VPS54: variants seen among roughly 807,000 people sequenced by gnomAD.
VPS54 encodes the protein VPS54 subunit of GARP complex, also known as vacuolar protein sorting-associated protein 54.
A neutral mutation model predicts 121.5 loss-of-function variants in VPS54; 45 were observed. The observed-to-expected ratio is 0.37, with a 90% CI of 0.29 to 0.47. The LOEUF (loss-of-function observed/expected upper bound fraction) is 0.47. Among genes scored for constraint, VPS54 ranks in the 20% least tolerant of loss-of-function variants. The probability of loss-of-function intolerance (pLI) is 0.99; values close to 1 mark genes in which losing one functional copy is unlikely to be tolerated. For missense variants in VPS54, 1,090 were observed against 1,131.4 expected, an observed-to-expected ratio of 0.96 and a Z score of 0.52; for synonymous variants, 371 against 385.8, an observed-to-expected ratio of 0.96 and a Z score of 0.45.
intron 20 of VPS54, among the ~76,000 whole-genome samples, chr2:63,908,808 T>G (rs1486416610): frequency 6.6e-6 from 1 of 152,214 alleles, no homozygotes; most frequent in African/African-American, 2.4e-5. Flanking sequence ...TGAAGTAGGC[T>G]CCACTATTAT....
At chr2:63,938,588 C>A (rs62136401) in intron 11 of VPS54, among the ~76,000 whole-genome samples, 1 of 152,048 alleles carries the variant, frequency 6.6e-6, no homozygotes, top group East Asian at 1.9e-4. Flanking sequence ...CCTCAGCCTC[C>A]GGAATAGCTG....
At chr2:63,949,410 C>T (rs1375276497) in intron 7 of VPS54, among the ~76,000 whole-genome samples, 2 of 152,124 alleles carry the variant, frequency 1.3e-5, no homozygotes, top group Non-Finnish European at 2.9e-5. Context: ...AACACCAGTG[C>T]AATCAGAAAT....
intron 1 of VPS54, among the ~76,000 whole-genome samples, chr2:64,017,521 A>G (rs1678764702): frequency 1.3e-5 from 2 of 152,198 alleles, no homozygotes; most frequent in African/African-American, 2.4e-5. Flanking sequence ...TTTTCCTAGT[A>G]AACTTTTAGT....
At position 63,929,546 on chromosome 2, in the gene VPS54, G is replaced by T. The variant is rs149997035; in HGVS notation, c.1739+4127C>A. ...TAGAGGGAAATTTATAGCAGTAAAT[G>T]CCCACAAGAGAAAGCAGGAGAGATC... On this transcript the variant is annotated intron_variant, in intron 12 of 22. Transcript: ENST00000272322. Among the ~76,000 whole-genome samples, 1,191 of 152,182 alleles carry T rather than the reference G, an allele frequency of 7.8e-3. 8 individuals carry two copies. The highest frequency in any genetic ancestry group is 0.012 in the Non-Finnish European group (843 of 67,998).
intron 1 of VPS54, among the ~76,000 whole-genome samples, chr2:64,000,719 C>T (rs1046075794): frequency 6.6e-6 from 1 of 152,234 alleles, no homozygotes; most frequent in South Asian, 2.1e-4. Flanking sequence ...TCTTCCCTTA[C>T]TTTCTCCCAA....
intron 1 of VPS54, among the ~76,000 whole-genome samples, chr2:64,017,842 T>C (rs533314463): frequency 4.6e-5 from 7 of 152,338 alleles, no homozygotes; most frequent in Admixed American, 6.5e-5. Flanking sequence ...ACTGGTAACC[T>C]ATCATAAGCA....
intron 12 of VPS54, among the ~76,000 whole-genome samples, chr2:63,927,647 G>A (rs1673971200): frequency 1.3e-5 from 2 of 152,200 alleles, no homozygotes; most frequent in Admixed American, 1.3e-4. Context: ...GAACAAAACT[G>A]GACGGAGAAT....
chr2:63,904,573 C>A (rs1672829428), intron 20 of VPS54, among the ~76,000 whole-genome samples: 1 of 150,322 alleles, frequency 6.7e-6, no homozygotes, highest in African/African-American at 2.5e-5. Context: ...GATCTGAACA[C>A]AAAAACAGAC....
At chr2:63,971,015 C>T (rs907435303) in intron 4 of VPS54, among the ~76,000 whole-genome samples, 2 of 152,156 alleles carry the variant, frequency 1.3e-5, no homozygotes, top group Admixed American at 1.3e-4. Context: ...AACTTGCCTC[C>T]ATCTCCCTCA....
rs1287009971 is a variant in VPS54 at position 63,905,653 on chromosome 2, G to T, written c.2626-6072C>A. ...CAAATTCTTCTTCCAGGAAATATAG[G>T]AGGAAGAATACTGTCCAACTCATTT... On this transcript the variant is annotated intron_variant, in intron 20 of 22. Transcript: ENST00000272322. 2.0e-5 allele frequency among the ~76,000 whole-genome samples: 3 copies of T among 152,074 alleles called. No homozygotes were observed. The East Asian group carries it at 5.8e-4, about 29-fold the overall frequency.
chr2:63,911,580 G>A (rs978672383), intron 20 of VPS54, among the ~76,000 whole-genome samples: 5 of 152,226 alleles, frequency 3.3e-5, no homozygotes, highest in African/African-American at 1.2e-4. Context: ...AATAGAATAT[G>A]TGTTTGGGTA....
chr2:63,956,142 CTA>C (rs1282613188), intron 7 of VPS54, among the ~76,000 whole-genome samples: 1 of 152,044 alleles, frequency 6.6e-6, no homozygotes, highest in Non-Finnish European at 1.5e-5. Flanking sequence ...CTGTAGAATT[CTA>C]GTTTCATCAA....
At chr2:63,900,995 C>T (rs919340123) in intron 20 of VPS54, among the ~76,000 whole-genome samples, 1 of 152,074 alleles carries the variant, frequency 6.6e-6, no homozygotes, top group Non-Finnish European at 1.5e-5. Context: ...CTCCTGACCT[C>T]GTGATCCACC....
chr2:63,914,352 A>G, intron 16 of VPS54, 65 bp from the exon 17 acceptor site: 2 of 1,118,600 alleles, frequency 1.8e-6, no homozygotes, highest in Non-Finnish European at 2.7e-6. Context: ...GATTTGGCAT[A>G]TAAAAATCAA....
intron 3 of VPS54, among the ~76,000 whole-genome samples, chr2:63,979,241 G>GTTTT (rs768489534): frequency 1.6e-5 from 2 of 123,626 alleles, no homozygotes; most frequent in African/African-American, 3.4e-5. Flanking sequence ...TTTTCTGTTT[G>GTTTT]TTTTTTTTTT....
At chr2:63,986,308 A>G (rs1204957080) in intron 1 of VPS54, among the ~76,000 whole-genome samples, 1 of 152,024 alleles carries the variant, frequency 6.6e-6, no homozygotes, top group East Asian at 1.9e-4. Context: ...GCCTCTGGTA[A>G]CCATCACTCG....
intron 7 of VPS54, among the ~76,000 whole-genome samples, chr2:63,950,671 T>C (rs1292618824): frequency 6.6e-6 from 1 of 152,216 alleles, no homozygotes; most frequent in Non-Finnish European, 1.5e-5. Context: ...AGGGCAGTCC[T>C]GATCAGAAAC....
chr2:63,913,803 T>C, intron 17 of VPS54: 1 of 1,011,406 alleles, frequency 9.9e-7, no homozygotes, highest in Non-Finnish European at 1.2e-6. Flanking sequence ...TCTGAAAGAA[T>C]GATGCAAGAA....
intron 1 of VPS54, among the ~76,000 whole-genome samples, chr2:63,987,712 A>G (rs1677120414): frequency 6.6e-6 from 1 of 152,144 alleles, no homozygotes; most frequent in Non-Finnish European, 1.5e-5. Flanking sequence ...TTGAACCAAC[A>G]TTTTATAGCT....
Sources: gnomAD v4.1 joint callset for allele counts (sites outside exome capture counted in the v4.1 genomes callset) on GRCh38, gnomAD v4.1.1 for gene constraint, MANE v1.5 for transcripts, NCBI Gene and HGNC (gene_info 2026-07-23, HGNC 2026-07-21) for gene names.